SNTG1: variants seen among roughly 807,000 people sequenced by gnomAD.
SNTG1 encodes gamma-1-syntrophin.
A neutral mutation model predicts 74.7 loss-of-function variants in SNTG1; 39 were observed. That is an observed-to-expected ratio of 0.52 (90% CI 0.40 to 0.68). The LOEUF (loss-of-function observed/expected upper bound fraction) is 0.68. Ranked by LOEUF, SNTG1 falls within the 30% of genes least tolerant of loss-of-function variation. The pLI, the probability that SNTG1 is intolerant of heterozygous loss-of-function variation, is 0.00. For missense variants in SNTG1, 685 were observed against 609.5 expected, an observed-to-expected ratio of 1.12 and a Z score of -1.30; for synonymous variants, 254 against 217.1, an observed-to-expected ratio of 1.17 and a Z score of -1.49.
intron 18 of SNTG1, among the ~76,000 whole-genome samples, chr8:50,754,781 A>G (rs988876013): frequency 1.3e-5 from 2 of 151,782 alleles, no homozygotes; most frequent in African/African-American, 4.8e-5. Flanking sequence ...TGTCCTTTCT[A>G]ATATAGGATT....
In SNTG1 at chr8:50,710,729, G is replaced by A. The variant is rs1236043897; in HGVS notation, c.1284+1751G>A. On this transcript the variant is annotated intron_variant, in intron 17 of 18. Coordinates refer to ENST00000642720, the MANE Select transcript of SNTG1 (RefSeq NM_018967.5). ...CACCAATGTCCTATCTGACATTCCTGTCTACTTCTGCTGGGTGTTCTGGGA... is the reference window on the plus strand; with the variant it reads ...CACCAATGTCCTATCTGACATTCCTATCTACTTCTGCTGGGTGTTCTGGGA... 6.6e-5 allele frequency among the ~76,000 whole-genome samples: 10 copies of A among 152,264 alleles called. No individual in the cohort carries two copies. The East Asian group carries it at 1.9e-3, about 29-fold the overall frequency.
intron 2 of SNTG1, among the ~76,000 whole-genome samples, chr8:50,241,284 A>G (rs1202201089): frequency 6.6e-6 from 1 of 152,214 alleles, no homozygotes; most frequent in Non-Finnish European, 1.5e-5. Flanking sequence ...TTAAAGTCAA[A>G]TATATAGAAA....
At chr8:50,524,778 C>A (rs912671830) in intron 9 of SNTG1, among the ~76,000 whole-genome samples, 1 of 152,060 alleles carries the variant, frequency 6.6e-6, no homozygotes, top group African/African-American at 2.4e-5. Flanking sequence ...AAATACTACA[C>A]CATTTTATGT....
At chr8:50,194,471 GC>G (rs1254607483) in intron 2 of SNTG1, among the ~76,000 whole-genome samples, 1 of 152,028 alleles carries the variant, frequency 6.6e-6, no homozygotes, top group Non-Finnish European at 1.5e-5. Context: ...GTTCATAGTA[GC>G]CTTGAATGAT....
intron 15 of SNTG1, among the ~76,000 whole-genome samples, chr8:50,703,767 A>G (rs2095434193): frequency 1.3e-5 from 2 of 152,162 alleles, no homozygotes; most frequent in Admixed American, 6.5e-5. Context: ...GCATTGCTCT[A>G]TGACATTACA....
At chr8:50,551,561 C>T (rs2094426882) in intron 11 of SNTG1, among the ~76,000 whole-genome samples, 1 of 152,150 alleles carries the variant, frequency 6.6e-6, no homozygotes, top group Admixed American at 6.6e-5. Context: ...AATTATTTCT[C>T]ATTTTCTATG....
intron 2 of SNTG1, among the ~76,000 whole-genome samples, chr8:50,318,395 G>A (rs574352685): frequency 6.6e-6 from 1 of 152,112 alleles, no homozygotes; most frequent in Admixed American, 6.6e-5. Context: ...CATGCTCCTC[G>A]TGGCCTGAAT....
rs1435299400 is a variant in SNTG1, at chr8:50,243,754, T to TAA, written c.-28+71122_-28+71123dup. Reference sequence around the variant, plus strand: ...TGTTCTAGAATGTTAGATTAGAGTTTAAAACTCTAATAAGTTTCCTCTTTT... The same window carrying TAA: ...TGTTCTAGAATGTTAGATTAGAGTTTAAAAAACTCTAATAAGTTTCCTCTTTT... On this transcript the variant is annotated intron_variant, in intron 2 of 18. Coordinates refer to ENST00000642720, the MANE Select transcript of SNTG1 (RefSeq NM_018967.5). Among the ~76,000 whole-genome samples the TAA allele has an allele frequency of 2.0e-5, 3 of 152,282 alleles. No individual in the cohort carries two copies. In the East Asian group the frequency reaches 5.8e-4, roughly 29 times the overall value.
rs59221694 is a variant in SNTG1 at position 50,763,856 on chromosome 8, A to AACAC, written c.1395+11793_1395+11796dup. Among the ~76,000 whole-genome samples the AACAC allele has an allele frequency of 1.8e-3, 186 of 103,494 alleles. 2 individuals carry two copies. The highest frequency in any genetic ancestry group is 2.4e-3 in the Non-Finnish European group (127 of 52,338). 67.9% of individuals were successfully genotyped at this position (103,494 alleles called of 152,430 possible). A position where few individuals can be genotyped will look rare whatever the true frequency, so the allele number is the denominator to read the frequency against. ...AGATAAGCTCTAAAATTAATACAGAAACACACACACACACACACACACACA... is the reference window on the plus strand; with the variant it reads ...AGATAAGCTCTAAAATTAATACAGAAACACACACACACACACACACACACACACA... On this transcript the variant is annotated intron_variant, in intron 18 of 18. Coordinates refer to ENST00000642720, the MANE Select transcript of SNTG1 (RefSeq NM_018967.5).
intron 2 of SNTG1, among the ~76,000 whole-genome samples, chr8:50,194,798 C>T (rs2083702888): frequency 6.6e-6 from 1 of 151,894 alleles, no homozygotes; most frequent in South Asian, 2.1e-4. Flanking sequence ...TTGATGTAGG[C>T]ACTTAGGGCT....
intron 9 of SNTG1, among the ~76,000 whole-genome samples, chr8:50,511,711 T>C (rs1039191369): frequency 1.3e-5 from 2 of 152,204 alleles, no homozygotes; most frequent in African/African-American, 4.8e-5. Flanking sequence ...GTTTAAAGTC[T>C]GTTTTATCAG....
rs188745455 is a variant in SNTG1, at chr8:50,384,721, G to A, written c.-27-9491G>A. 4.6e-5 allele frequency among the ~76,000 whole-genome samples: 7 copies of A among 152,242 alleles called. No individual in the cohort carries two copies. In the East Asian group the frequency reaches 9.7e-4, roughly 21 times the overall value. The stretch of plus-strand genomic sequence containing the variant: ...CTCTTCCTCCAGTGAATTGTGGTTA[G>A]GAAACTCCCCATGAGACCATAGGTG... On this transcript the variant is annotated intron_variant, in intron 2 of 18. Transcript: ENST00000642720.
intron 17 of SNTG1, among the ~76,000 whole-genome samples, chr8:50,746,341 T>A (rs765429608): frequency 2.6e-5 from 4 of 151,868 alleles, no homozygotes; most frequent in Admixed American, 6.6e-5. Context: ...CACACTCAAA[T>A]CACATGCCTT....
intron 11 of SNTG1, among the ~76,000 whole-genome samples, chr8:50,540,413 C>T (rs2094337969): frequency 2.0e-5 from 3 of 152,026 alleles, no homozygotes; most frequent in Non-Finnish European, 4.4e-5. Flanking sequence ...TTTTACTCAG[C>T]ATATACGTTA....
intron 1 of SNTG1, among the ~76,000 whole-genome samples, chr8:49,955,862 C>T (rs1292407994): frequency 6.6e-6 from 1 of 152,152 alleles, no homozygotes; most frequent in African/African-American, 2.4e-5. Flanking sequence ...TCAGGCTTGT[C>T]GATTTATGGG....
chr8:50,660,712 A>G (rs2131292051), intron 15 of SNTG1, among the ~76,000 whole-genome samples: 1 of 152,288 alleles, frequency 6.6e-6, no homozygotes, highest in Admixed American at 6.5e-5. Flanking sequence ...CTTTTAAAAA[A>G]AGCTATTTAA....
intron 4 of SNTG1, among the ~76,000 whole-genome samples, chr8:50,422,833 C>A (rs914202257): frequency 6.6e-6 from 1 of 152,192 alleles, no homozygotes; most frequent in South Asian, 2.1e-4. Flanking sequence ...AGAATGCAGG[C>A]TCCTCTACTC....
chr8:50,420,404 A>G (rs1398334161), intron 4 of SNTG1, among the ~76,000 whole-genome samples: 1 of 152,154 alleles, frequency 6.6e-6, no homozygotes, highest in East Asian at 1.9e-4. Context: ...AAAATTGTCA[A>G]TCCAAAATTC....
intron 5 of SNTG1, among the ~76,000 whole-genome samples, chr8:50,443,581 C>T (rs188896520): frequency 6.6e-6 from 1 of 152,026 alleles, no homozygotes; most frequent in Non-Finnish European, 1.5e-5. Flanking sequence ...TTCAATTTGC[C>T]TTTATTATCC....
Sources: gnomAD v4.1 joint callset for allele counts (sites outside exome capture counted in the v4.1 genomes callset) on GRCh38, gnomAD v4.1.1 for gene constraint, MANE v1.5 for transcripts, NCBI Gene and HGNC (gene_info 2026-07-23, HGNC 2026-07-21) for gene names.